The following TEDC1 variants were observed in gnomAD, a reference collection of about 807,000 sequenced individuals.
TEDC1 encodes tubulin epsilon and delta complex protein 1.
TEDC1 carries 54 observed loss-of-function variants against 59.9 expected under a neutral mutation model. That is an observed-to-expected ratio of 0.90 (90% CI 0.72 to 1.13). TEDC1 has a LOEUF of 1.13. Ranked by LOEUF, TEDC1 falls within the 50% of genes most tolerant of loss-of-function variation. The pLI, the probability that TEDC1 is intolerant of heterozygous loss-of-function variation, is 0.00. For missense variants in TEDC1, 734 were observed against 683.4 expected (o/e 1.07, Z -0.83); for synonymous variants, 353 against 298.1 (o/e 1.18, Z -1.90).
Position 105,492,854 on chromosome 14 carries a change from TC to T in TEDC1, c.585+122del, listed in dbSNP as rs145570606. 95 of 1,357,112 alleles carry T rather than the reference TC, an allele frequency of 7.0e-5. No individual in the cohort carries two copies. In the African/African-American group the frequency reaches 1.1e-3, roughly 15 times the overall value. 84.1% of individuals were successfully genotyped at this position (1,357,112 alleles called of 1,614,324 possible). Reference sequence around the variant, plus strand: ...CAGGCTTTTGGCTGGATGTGGGCCTTCCTGCCCTGGCTTACCCAAAGCCTGA... The same window carrying T: ...CAGGCTTTTGGCTGGATGTGGGCCTTCTGCCCTGGCTTACCCAAAGCCTGA... On this transcript the variant is annotated intron_variant, in intron 4 of 8. Transcript: ENST00000392523.
At chr14:105,492,842 G>T (rs2084248074) in intron 4 of TEDC1, 108 bp downstream of exon 4, 1 of 1,410,248 alleles carries the variant, frequency 7.1e-7, no homozygotes, top group African/African-American at 1.4e-5. Flanking sequence ...GCTTTTGGCT[G>T]GATGTGGGCC....
rs963640242 is a variant in TEDC1, at chr14:105,496,085, C to T, written c.890C>T (p.Ala297Val). 8.4e-6 allele frequency: 10 copies of T among 1,193,972 alleles called. No homozygotes were observed. The highest frequency in any genetic ancestry group is 7.3e-5 in the East Asian group (1 of 13,704). 74.0% of individuals were successfully genotyped at this position (1,193,972 alleles called of 1,614,324 possible). A position where few individuals can be genotyped will look rare whatever the true frequency, so the allele number is the denominator to read the frequency against. Residue 297 changes from alanine (A) to valine (V), a missense_variant and splice_region_variant, in exon 6 of 9, where the codon GCG (alanine) becomes GTG (valine). Ala to Val is a moderately conservative substitution (Grantham distance 64, BLOSUM62 0). Transcript: ENST00000392523. ...SACSLLSPFR[A>V]LLRTLERENQ... ...TGCAGCCTGCTCTCCCCTTTTAGGG[C>T]GGTAAGTCGGGGAGGCTGGCAGGGA...
At chr14:105,492,396 T>C (rs1595470616) in intron 3 of TEDC1, 87 bp downstream of exon 3, 2 of 1,550,542 alleles carry the variant, frequency 1.3e-6, no homozygotes, top group East Asian at 4.5e-5. Flanking sequence ...GCCCCCTCTG[T>C]CTGCTTTGCT....
rs587749623 is a variant in TEDC1, at chr14:105,497,223, C to A, written c.892-134C>A. ...TCTGGCCAGAGAACCTGGGCGCAGG[C>A]AGGGGAGGGCTGCAGGGGCGGGGCG... On this transcript the variant is annotated intron_variant, in intron 6 of 8. Transcript: ENST00000392523. 3.2e-5 allele frequency: 28 copies of A among 861,586 alleles called. No individual in the cohort carries two copies. In the East Asian group the frequency reaches 6.3e-4, roughly 20 times the overall value. The allele number at this position is 861,586 out of a possible 1,614,324, so 53.4% of individuals were successfully genotyped here.
chr14:105,491,415 G>A lies in TEDC1; in HGVS notation c.40G>A (p.Ala14Thr), dbSNP rs1172327769. ...RRQRVDPAAG[A>T]RAGALPEAIA... ...GCAGCGGGTGGACCCCGCGGCTGGGGCCCGGGCCGGGGCCCTGCCTGAGGC... is the reference window on the plus strand; with the variant it reads ...GCAGCGGGTGGACCCCGCGGCTGGGACCCGGGCCGGGGCCCTGCCTGAGGC... The change falls in exon 1 of 9, where the codon GCC (alanine) becomes ACC (threonine). Residue 14 changes from alanine to threonine, a missense_variant. Coordinates refer to ENST00000392523, the MANE Select transcript of TEDC1 (RefSeq NM_001367178.1). The A allele has an allele frequency of 4.9e-6, 7 of 1,418,828 alleles. No individual in the cohort carries two copies. Among genetic ancestry groups the A allele is most frequent in the Admixed American group, 3.1e-5 (1 of 31,826 alleles). The allele number at this position is 1,418,828 out of a possible 1,614,324, so 87.9% of individuals were successfully genotyped here. A position where few individuals can be genotyped will look rare whatever the true frequency, so the allele number is the denominator to read the frequency against.
At chr14:105,493,074 C>T (rs1490950622) in intron 4 of TEDC1, among the ~76,000 whole-genome samples, 3 of 152,182 alleles carry the variant, frequency 2.0e-5, no homozygotes, top group Non-Finnish European at 4.4e-5. Context: ...CCCTCCTGGG[C>T]ACTGGAGGGG....
In TEDC1 at chr14:105,491,787, C is replaced by T. The variant is rs1221382060; in HGVS notation, c.226+87C>T. 5.6e-6 allele frequency: 8 copies of T among 1,424,006 alleles called. No homozygotes were observed. The East Asian group carries it at 2.0e-4, about 35-fold the overall frequency. The allele number at this position is 1,424,006 out of a possible 1,614,324, so 88.2% of individuals were successfully genotyped here. A position where few individuals can be genotyped will look rare whatever the true frequency, so the allele number is the denominator to read the frequency against. ...CCCGCCTTCCCCAGTAAGCCCCGCC[C>T]CGGCAGGCTCTAGCCCCCACCCAAC... On this transcript the variant is annotated intron_variant, in intron 2 of 8. Coordinates refer to ENST00000392523, the MANE Select transcript of TEDC1 (RefSeq NM_001367178.1).
chr14:105,492,072 G>A, intron 2 of TEDC1, 35 bp from the exon 3 acceptor site: 13 of 1,555,370 alleles, frequency 8.4e-6, no homozygotes, highest in Non-Finnish European at 1.1e-5. Flanking sequence ...CCTCCAGGTG[G>A]GTGGTCCCCC....
intron 4 of TEDC1, 123 bp downstream of exon 4, chr14:105,492,857 T>A: frequency 5.3e-6 from 7 of 1,323,434 alleles, no homozygotes; most frequent in Non-Finnish European, 7.1e-6. Flanking sequence ...TGGGCCTTCC[T>A]GCCCTGGCTT....
chr14:105,493,704 C>T (rs1193045753), intron 4 of TEDC1, 131 bp from the exon 5 acceptor site: 6 of 674,234 alleles, frequency 8.9e-6, no homozygotes, highest in South Asian at 1.8e-5. Context: ...CAAGGAGTGG[C>T]TTTCTCTGAG....
chr14:105,495,720 G>A (rs7494205), intron 5 of TEDC1, 160 bp from the exon 6 acceptor site: 3 of 643,600 alleles, frequency 4.7e-6, no homozygotes, highest in Non-Finnish European at 7.9e-6. Flanking sequence ...TGGGGCAGAG[G>A]AGAGGCTGCC....
chr14:105,492,482 G>A (rs1421501906), intron 3 of TEDC1, 97 bp from the exon 4 acceptor site: 29 of 1,469,278 alleles, frequency 2.0e-5, no homozygotes, highest in East Asian at 2.5e-5. Context: ...GGGAGCACCC[G>A]TTGTTTTTGG....
chr14:105,499,188 T>C lies in TEDC1; in HGVS notation c.*242T>C. On this transcript the variant is annotated 3_prime_UTR_variant, in exon 9 of 9. Coordinates refer to ENST00000392523, the MANE Select transcript of TEDC1 (RefSeq NM_001367178.1). ...GGTCGTGACAGGCTCAGCCTGGTGG[T>C]CTGGAGGGGACTCGGAAATAAATTG... 1.7e-6 allele frequency: 1 copy of C among 572,902 alleles called. No individual in the cohort carries two copies. Among genetic ancestry groups the C allele is most frequent in the South Asian group, 2.2e-5 (1 of 44,704 alleles). The allele number at this position is 572,902 out of a possible 1,614,324, so 35.5% of individuals were successfully genotyped here.
intron 5 of TEDC1, chr14:105,495,632 T>C: frequency 2.1e-6 from 1 of 484,840 alleles, no homozygotes; most frequent in African/African-American, 1.9e-5. Flanking sequence ...CCGGGCGTCC[T>C]GGTCTGCCCT....
chr14:105,490,505 G>A (rs2084182546), upstream of TEDC1: 1 of 152,222 alleles, frequency 6.6e-6, no homozygotes, highest in African/African-American at 2.4e-5. Flanking sequence ...CCGTGCAGGC[G>A]GGCCCGGCTC....
rs374149078 is a variant in TEDC1 at position 105,499,034 on chromosome 14, C to T, written c.*88C>T. 4.2e-5 allele frequency: 58 copies of T among 1,387,548 alleles called. No individual in the cohort carries two copies. The highest frequency in any genetic ancestry group is 5.7e-5 in the South Asian group (4 of 70,252). The allele number at this position is 1,387,548 out of a possible 1,614,324, so 86.0% of individuals were successfully genotyped here. A position where few individuals can be genotyped will look rare whatever the true frequency, so the allele number is the denominator to read the frequency against. On this transcript the variant is annotated 3_prime_UTR_variant, in exon 9 of 9. Coordinates refer to ENST00000392523, the MANE Select transcript of TEDC1 (RefSeq NM_001367178.1). ...GGAGCAGATTCCAAGGCCAGGTGGC[C>T]GCAGGGACGATGCAGATGCAGAGCC... is the stretch of plus-strand genomic sequence containing the variant.
rs782599615 is a variant in TEDC1, at chr14:105,492,192, G to T, written c.312G>T (p.Ser104=). 27 of 1,612,696 alleles carry T rather than the reference G, an allele frequency of 1.7e-5. No individual in the cohort carries two copies. Among genetic ancestry groups the T allele is most frequent in the African/African-American group, 2.7e-5 (2 of 74,938 alleles). The change falls in exon 3 of 9, where the codon TCG becomes TCT. Residue 104 remains serine (S), a synonymous_variant. Coordinates refer to ENST00000392523, the MANE Select transcript of TEDC1 (RefSeq NM_001367178.1). ...TGGCACAACTACCTGAGGATGGCTC[G>T]CAGGGCAGTCGGGAGCTGCTGCTGG... ...LALAQLPEDG[S]QGSRELLLAL...
chr14:105,491,347 G>A lies in TEDC1; in HGVS notation c.-29G>A. Reference sequence around the variant, plus strand: ...AGGCCCCGGGCCGCGGCGGAGGCGGGCGATCCGAAAGAGGCTGGTGCTGGC... The same window carrying A: ...AGGCCCCGGGCCGCGGCGGAGGCGGACGATCCGAAAGAGGCTGGTGCTGGC... On this transcript the variant is annotated 5_prime_UTR_variant, in exon 1 of 9. Coordinates refer to ENST00000392523, the MANE Select transcript of TEDC1 (RefSeq NM_001367178.1). The A allele has an allele frequency of 6.8e-7, 1 of 1,461,564 alleles. No homozygotes were observed. Among genetic ancestry groups the A allele is most frequent in the Non-Finnish European group, 9.0e-7 (1 of 1,111,712 alleles). 90.5% of individuals were successfully genotyped at this position (1,461,564 alleles called of 1,614,324 possible). A position where few individuals can be genotyped will look rare whatever the true frequency, so the allele number is the denominator to read the frequency against.
chr14:105,493,760 TG>T, intron 4 of TEDC1, 74 bp from the exon 5 acceptor site: 1 of 1,085,730 alleles, frequency 9.2e-7, no homozygotes, highest in Non-Finnish European at 1.4e-6. Flanking sequence ...CCGACCTCCC[TG>T]GACTCATGGA....
Sources: allele counts gnomAD v4.1 joint callset (sites outside exome capture counted in the v4.1 genomes callset), GRCh38; gene constraint gnomAD v4.1.1; transcripts MANE v1.5; gene names NCBI Gene and HGNC (gene_info 2026-07-23, HGNC 2026-07-21).